DACH2: variants seen among roughly 807,000 people sequenced by gnomAD.
The protein encoded by DACH2 is dachshund family transcription factor 2, also known as dachshund homolog 2.
A neutral mutation model predicts 35.8 loss-of-function variants in DACH2; 17 were observed. That is an observed-to-expected ratio of 0.48 (90% CI 0.33 to 0.71). DACH2 has a LOEUF of 0.71. DACH2 is among the 30% of genes least tolerant of loss of function. The pLI, the probability that DACH2 is intolerant of heterozygous loss-of-function variation, is 0.02. For synonymous variants in DACH2, 195 were observed against 177.3 expected (o/e 1.10, Z -0.79); for missense variants, 469 against 472.7 (o/e 0.99, Z 0.07).
chrX:86,672,376 A>C lies in DACH2; in HGVS notation c.772+21209A>C, dbSNP rs940636849. On this transcript the variant is annotated intron_variant, in intron 4 of 11. Coordinates refer to ENST00000373125, the MANE Select transcript of DACH2 (RefSeq NM_053281.3). ...CCAAGACAATAGGGGAAAATGCCTC[A>C]AAGGGATTTCAGAGACATTCATGGC... Among the ~76,000 whole-genome samples the C allele has an allele frequency of 6.2e-5, 7 of 112,084 alleles. No individual in the cohort carries two copies. The East Asian group carries it at 1.7e-3, about 27-fold the overall frequency.
At chrX:86,183,254 TG>T (rs2147884662) in intron 1 of DACH2, among the ~76,000 whole-genome samples, 1 of 112,081 alleles carries the variant, frequency 8.9e-6, no homozygotes, top group African/African-American at 3.2e-5. Flanking sequence ...TGACTTGTGC[TG>T]GTTTTCAAAG....
rs192924904 is a variant in DACH2, at chrX:86,329,222, C to T, written c.489-47602C>T. Among the ~76,000 whole-genome samples the T allele has an allele frequency of 2.9e-3, 326 of 110,769 alleles. 2 individuals are homozygous for T. Among genetic ancestry groups the T allele is most frequent in the African/African-American group, 0.01 (308 of 30,498 alleles). ...AGATCATTAGCACAAACAGAGTATA[C>T]TTTGGTATCCGTAAAGAAGTCTTTA... On this transcript the variant is annotated intron_variant, in intron 1 of 11. Coordinates refer to ENST00000373125, the MANE Select transcript of DACH2 (RefSeq NM_053281.3).
intron 2 of DACH2, among the ~76,000 whole-genome samples, chrX:86,435,629 T>A (rs1034832407): frequency 8.9e-6 from 1 of 111,907 alleles, no homozygotes; most frequent in Non-Finnish European, 1.9e-5. Context: ...TTTGGAAAAA[T>A]TTTTGAGTGA....
At chrX:86,296,827 T>TG (rs1479462054) in intron 1 of DACH2, among the ~76,000 whole-genome samples, 1 of 110,121 alleles carries the variant, frequency 9.1e-6, no homozygotes, top group Non-Finnish European at 1.9e-5. Context: ...ATCCAGGTTG[T>TG]GGGGGGCATG....
chrX:86,784,151 A>T (rs1164989755), intron 7 of DACH2, among the ~76,000 whole-genome samples: 1 of 110,622 alleles, frequency 9.0e-6, no homozygotes, highest in Non-Finnish European at 1.9e-5. Context: ...AATTAAAAAA[A>T]AAACTAAAAA....
intron 7 of DACH2, among the ~76,000 whole-genome samples, chrX:86,800,945 C>T (rs1289016110): frequency 3.6e-5 from 4 of 111,356 alleles, no homozygotes; most frequent in African/African-American, 1.3e-4. Context: ...GCTGGGATTA[C>T]AGGCATGAGC....
intron 3 of DACH2, among the ~76,000 whole-genome samples, chrX:86,628,954 T>G (rs2040168380): frequency 8.9e-6 from 1 of 112,380 alleles, no homozygotes; most frequent in African/African-American, 3.2e-5. Context: ...TTTCATTAGC[T>G]GCTACACAGA....
intron 1 of DACH2, among the ~76,000 whole-genome samples, chrX:86,324,484 C>T (rs2035073194): frequency 1.8e-5 from 2 of 109,970 alleles, no homozygotes; most frequent in Non-Finnish European, 3.8e-5. Flanking sequence ...AAGTTCTACT[C>T]TGGGTAAAAT....
At chrX:86,289,863 A>G (rs2147995818) in intron 1 of DACH2, among the ~76,000 whole-genome samples, 1 of 109,367 alleles carries the variant, frequency 9.1e-6, no homozygotes, top group East Asian at 2.9e-4. Flanking sequence ...GTTATTGTGA[A>G]TAATGCCACA....
chrX:86,730,968 T>A lies in DACH2; in HGVS notation c.1105-8779T>A, dbSNP rs145485459. The stretch of plus-strand genomic sequence containing the variant: ...TGAGTGCATACACACGAAATACATT[T>A]GTTTTCATAATGTTACAAGTCTAGT... On this transcript the variant is annotated intron_variant, in intron 6 of 11. Transcript: ENST00000373125. Among the ~76,000 whole-genome samples the A allele has an allele frequency of 1.8e-3, 202 of 111,779 alleles. 2 individuals are homozygous for A. The East Asian group carries it at 0.035, about 19-fold the overall frequency.
chrX:86,315,788 GACAC>G (rs774427717), intron 1 of DACH2, among the ~76,000 whole-genome samples: 10,380 of 78,062 alleles, frequency 0.13, 641 homozygotes, highest in Non-Finnish European at 0.15. Context: ...GAGGGTCGTG[GACAC>G]ACACACACAC....
At chrX:86,546,177 T>C (rs930791326) in intron 3 of DACH2, among the ~76,000 whole-genome samples, 2 of 111,719 alleles carry the variant, frequency 1.8e-5, no homozygotes, top group African/African-American at 6.5e-5. Context: ...GCAGATGGAT[T>C]GGCTGTGCTC....
chrX:86,179,923 C>T (rs1311063658), intron 1 of DACH2, among the ~76,000 whole-genome samples: 2 of 108,686 alleles, frequency 1.8e-5, no homozygotes. Context: ...AGTCCCCTTA[C>T]TGAGGGATTC....
intron 3 of DACH2, among the ~76,000 whole-genome samples, chrX:86,578,370 A>G (rs2039461469): frequency 1.8e-5 from 2 of 110,385 alleles, no homozygotes; most frequent in South Asian, 7.6e-4. Context: ...TCCTGTTGTT[A>G]GCATCTCAAC....
intron 1 of DACH2, among the ~76,000 whole-genome samples, chrX:86,206,792 C>G (rs1428098039): frequency 8.9e-6 from 1 of 111,882 alleles, no homozygotes; most frequent in African/African-American, 3.2e-5. Context: ...CCTACCCCAC[C>G]ATAGTTTTCA....
chrX:86,492,722 G>A (rs1278717543), intron 2 of DACH2, among the ~76,000 whole-genome samples: 1 of 111,660 alleles, frequency 9.0e-6, no homozygotes, highest in Non-Finnish European at 1.9e-5. Flanking sequence ...TTCTGTCCCT[G>A]TGTTAATTCA....
intron 3 of DACH2, among the ~76,000 whole-genome samples, chrX:86,643,172 G>GTTTTTT (rs57842008): frequency 0.01 from 866 of 84,467 alleles, 8 homozygotes; most frequent in Non-Finnish European, 0.014. Context: ...TCCAGGAATT[G>GTTTTTT]TTTTTTTTTT....
chrX:86,562,928 A>G (rs1360874293), intron 3 of DACH2, among the ~76,000 whole-genome samples: 1 of 111,691 alleles, frequency 9.0e-6, no homozygotes, highest in Non-Finnish European at 1.9e-5. Flanking sequence ...AGCAACATAA[A>G]TATGATTCTA....
chrX:86,508,596 T>G (rs987666234), intron 2 of DACH2, among the ~76,000 whole-genome samples: 32 of 110,728 alleles, frequency 2.9e-4, no homozygotes, highest in African/African-American at 9.5e-4. Context: ...GTGCATTGAT[T>G]CTACTGATGT....
Sources: gnomAD v4.1 joint callset for allele counts (sites outside exome capture counted in the v4.1 genomes callset) on GRCh38, gnomAD v4.1.1 for gene constraint, MANE v1.5 for transcripts, NCBI Gene and HGNC (gene_info 2026-07-23, HGNC 2026-07-21) for gene names.